Variants in VAV3 observed in about 807,000 individuals in gnomAD.
VAV3 encodes guanine nucleotide exchange factor VAV3.
Under a neutral mutation model 131.2 loss-of-function variants are expected in VAV3, and 94 were observed. The ratio of observed to expected loss-of-function variants is 0.72; its 90% CI spans 0.61 to 0.85. VAV3 has a LOEUF of 0.85. Among genes scored for constraint, VAV3 ranks in the 40% least tolerant of loss-of-function variants. VAV3 has a pLI of 0.00. For synonymous variants in VAV3, 349 were observed against 342.0 expected (o/e 1.02, Z -0.22); for missense variants, 939 against 1,002.7 (o/e 0.94, Z 0.86).
Position 107,596,240 on chromosome 1 carries a change from T to A in VAV3, c.2322A>T (p.Gly774=). 1 of 1,613,604 alleles carries A rather than the reference T, an allele frequency of 6.2e-7. No homozygotes were observed. Among genetic ancestry groups the A allele is most frequent in the Non-Finnish European group, 8.5e-7 (1 of 1,179,576 alleles). The change falls in exon 25 of 27, where the codon GGA becomes GGT. Residue 774 remains glycine, a synonymous_variant. Coordinates refer to ENST00000370056, the MANE Select transcript of VAV3 (RefSeq NM_006113.5). The part of the protein sequence containing the change: ...FPYKEPEHSA[G]QRGNRAGNSL... The stretch of plus-strand genomic sequence containing the variant: ...TGTTGCCTGCTCTATTACCCCTCTG[T>A]CCAGCTGAATGTTCTGGCTCCTTGT...
At chr1:107,704,302 C>T (rs766500387) in intron 17 of VAV3, among the ~76,000 whole-genome samples, 1 of 152,110 alleles carries the variant, frequency 6.6e-6, no homozygotes, top group Non-Finnish European at 1.5e-5. Flanking sequence ...AACCATCCAA[C>T]TCCCTCTTGA....
At chr1:107,621,743 T>C (rs958755114) in intron 20 of VAV3, among the ~76,000 whole-genome samples, 1 of 152,182 alleles carries the variant, frequency 6.6e-6, no homozygotes, top group African/African-American at 2.4e-5. Context: ...ATCTTTTAGT[T>C]ATCCTCCTGC....
At chr1:107,768,287 A>G (rs1357454075) in intron 7 of VAV3, among the ~76,000 whole-genome samples, 154 bp downstream of exon 7, 1 of 152,260 alleles carries the variant, frequency 6.6e-6, no homozygotes, top group African/African-American at 2.4e-5. Context: ...CAAGAAAATA[A>G]GGATATAAAA....
intron 1 of VAV3, among the ~76,000 whole-genome samples, chr1:107,949,741 C>A (rs1571181439): frequency 6.6e-6 from 1 of 152,228 alleles, no homozygotes; most frequent in South Asian, 2.1e-4. Context: ...CATGTACACA[C>A]ACAGTTCTAT....
At chr1:107,945,220 A>T (rs749453899) in intron 1 of VAV3, among the ~76,000 whole-genome samples, 6 of 152,324 alleles carry the variant, frequency 3.9e-5, no homozygotes, top group Middle Eastern at 3.4e-3. Context: ...TCCCTCATTA[A>T]CATGAAAGAT....
At chr1:107,758,396 C>T (rs1343295559) in intron 10 of VAV3, among the ~76,000 whole-genome samples, 1 of 151,912 alleles carries the variant, frequency 6.6e-6, no homozygotes, top group East Asian at 1.9e-4. Context: ...ATGACAAGAC[C>T]CCATCTCTAC....
chr1:107,787,758 G>T (rs1461741858), intron 2 of VAV3, among the ~76,000 whole-genome samples: 1 of 152,158 alleles, frequency 6.6e-6, no homozygotes, highest in Non-Finnish European at 1.5e-5. Context: ...ATATTTTTCA[G>T]ATTCTGAGAG....
At chr1:107,873,870 C>T (rs1435533086) in intron 2 of VAV3, among the ~76,000 whole-genome samples, 5 of 152,156 alleles carry the variant, frequency 3.3e-5, no homozygotes, top group African/African-American at 1.2e-4. Context: ...GGGCCTTCCC[C>T]CACCCCAGGT....
intron 12 of VAV3, 75 bp downstream of exon 12, chr1:107,755,352 T>C: frequency 8.7e-7 from 1 of 1,148,814 alleles, no homozygotes; most frequent in South Asian, 1.3e-5. Context: ...TAAACTATGT[T>C]TTCTTCAACA....
intron 21 of VAV3, among the ~76,000 whole-genome samples, chr1:107,614,297 T>C (rs1652976385): frequency 6.6e-6 from 1 of 152,070 alleles, no homozygotes; most frequent in African/African-American, 2.4e-5. Flanking sequence ...TTTGAGGAGA[T>C]GGATGTAGCA....
chr1:107,769,423 ATCTACTCT>A (rs1333295910), intron 6 of VAV3, among the ~76,000 whole-genome samples: 19 of 152,174 alleles, frequency 1.2e-4, no homozygotes, highest in Non-Finnish European at 5.9e-5. Flanking sequence ...TCCCTAGTCA[ATCTACTCT>A]TCTACTCTTC....
intron 24 of VAV3, among the ~76,000 whole-genome samples, chr1:107,598,495 TTATATC>T (rs1476681018): frequency 2.0e-5 from 3 of 152,164 alleles, no homozygotes; most frequent in Non-Finnish European, 4.4e-5. Context: ...CTTCCAAATA[TTATATC>T]TATAACTTGA....
At chr1:107,694,714 A>T (rs1209175207) in intron 17 of VAV3, among the ~76,000 whole-genome samples, 1 of 152,150 alleles carries the variant, frequency 6.6e-6, no homozygotes, top group African/African-American at 2.4e-5. Flanking sequence ...AGTGATCTTC[A>T]GGGCCCAGAA....
At chr1:107,668,414 T>C (rs1203222247) in intron 19 of VAV3, among the ~76,000 whole-genome samples, 1 of 152,246 alleles carries the variant, frequency 6.6e-6, no homozygotes, top group African/African-American at 2.4e-5. Flanking sequence ...ACTCTCAGTG[T>C]AGCTTCCTCA....
intron 15 of VAV3, among the ~76,000 whole-genome samples, chr1:107,706,718 G>A (rs1056121084): frequency 6.6e-6 from 1 of 152,128 alleles, no homozygotes; most frequent in African/African-American, 2.4e-5. Flanking sequence ...AGTCAGGAAG[G>A]GCTGTTGGTT....
intron 1 of VAV3, among the ~76,000 whole-genome samples, chr1:107,905,650 T>C (rs1439436486): frequency 6.6e-6 from 1 of 152,232 alleles, no homozygotes; most frequent in Non-Finnish European, 1.5e-5. Flanking sequence ...GCATTATTTA[T>C]ATAGCACATT....
At chr1:107,832,695 T>C (rs1289926289) in intron 2 of VAV3, among the ~76,000 whole-genome samples, 2 of 152,360 alleles carry the variant, frequency 1.3e-5, no homozygotes, top group East Asian at 3.9e-4. Context: ...TGTGTCTACC[T>C]TGCAATTAAT....
At position 107,806,655 on chromosome 1, in the gene VAV3, C is replaced by T. The variant is rs115495791; in HGVS notation, c.322-27163G>A. ...AAGCACAGTGAACAATCCTAACCACCAGTTTTCTTCAAATGAGGTGTTGCT... is the reference window on the plus strand; with the variant it reads ...AAGCACAGTGAACAATCCTAACCACTAGTTTTCTTCAAATGAGGTGTTGCT... On this transcript the variant is annotated intron_variant, in intron 2 of 26. Coordinates refer to ENST00000370056, the MANE Select transcript of VAV3 (RefSeq NM_006113.5). Among the ~76,000 whole-genome samples, 639 of 152,206 alleles carry T rather than the reference C, an allele frequency of 4.2e-3. 3 individuals carry two copies. Among genetic ancestry groups the T allele is most frequent in the African/African-American group, 0.014 (586 of 41,544 alleles).
chr1:107,637,378 T>G (rs1348104707), intron 20 of VAV3, among the ~76,000 whole-genome samples: 1 of 152,288 alleles, frequency 6.6e-6, no homozygotes, highest in African/African-American at 2.4e-5. Context: ...ATCCTAGCAC[T>G]TTGGGAGGCT....
Sources: gnomAD v4.1 joint callset for allele counts (sites outside exome capture counted in the v4.1 genomes callset) on GRCh38, gnomAD v4.1.1 for gene constraint, MANE v1.5 for transcripts, NCBI Gene and HGNC (gene_info 2026-07-23, HGNC 2026-07-21) for gene names.